DLGAP2: variants seen among roughly 807,000 people sequenced by gnomAD.
DLGAP2 encodes the protein disks large-associated protein 2.
Under a neutral mutation model 100.3 loss-of-function variants are expected in DLGAP2, and 26 were observed. That is an observed-to-expected ratio of 0.26 (90% CI 0.19 to 0.36). DLGAP2 has a LOEUF of 0.36. Ranked by LOEUF, DLGAP2 falls within the 10% of genes least tolerant of loss-of-function variation. The pLI is 1.00. For missense variants in DLGAP2, 1,858 were observed against 1,453.2 expected, an observed-to-expected ratio of 1.28 and a Z score of -4.53; for synonymous variants, 886 against 630.1, an observed-to-expected ratio of 1.41 and a Z score of -6.08.
intron 3 of DLGAP2, among the ~76,000 whole-genome samples, chr8:1,434,180 GCT>G (rs557551718): frequency 6.6e-6 from 1 of 152,106 alleles, no homozygotes; most frequent in Non-Finnish European, 1.5e-5. Context: ...CAGCTCAGCC[GCT>G]CTCTCTTTCT....
chr8:1,537,917 T>C (rs1328731657), intron 4 of DLGAP2, among the ~76,000 whole-genome samples: 1 of 152,184 alleles, frequency 6.6e-6, no homozygotes, highest in Non-Finnish European at 1.5e-5. Flanking sequence ...AAGAAAGCTC[T>C]TACAATGGGT....
At chr8:1,518,470 G>A (rs750894630) in intron 4 of DLGAP2, among the ~76,000 whole-genome samples, 3 of 152,182 alleles carry the variant, frequency 2.0e-5, no homozygotes, top group Non-Finnish European at 2.9e-5. Flanking sequence ...AAGGCACATA[G>A]AACAAAGCTG....
In DLGAP2 at chr8:1,049,751, A is replaced by C. The variant is rs543118930; in HGVS notation, c.73+141785A>C. Among the ~76,000 whole-genome samples, 8 of 135,870 alleles carry C rather than the reference A, an allele frequency of 5.9e-5. No homozygotes were observed. In the South Asian group the frequency reaches 1.7e-3, roughly 28 times the overall value. The allele number at this position is 135,870 out of a possible 152,430, so 89.1% of individuals were successfully genotyped here. The stretch of plus-strand genomic sequence containing the variant: ...GGCACAGACATACATGAACAGAGAC[A>C]CACAGACGGTGCATAGACACAGGCA... On this transcript the variant is annotated intron_variant, in intron 2 of 14. Transcript: ENST00000637795.
intron 4 of DLGAP2, among the ~76,000 whole-genome samples, chr8:1,530,759 G>A (rs996687383): frequency 2.0e-5 from 3 of 152,172 alleles, no homozygotes; most frequent in Admixed American, 6.5e-5. Flanking sequence ...CAGTCCCTCC[G>A]TCTGGGGTCC....
intron 3 of DLGAP2, among the ~76,000 whole-genome samples, chr8:1,346,596 C>G (rs1801563174): frequency 6.6e-6 from 1 of 151,474 alleles, no homozygotes; most frequent in Admixed American, 6.6e-5. Flanking sequence ...CTGCATTGCT[C>G]TCATGGTAGC....
chr8:1,483,752 G>C (rs2130256052), intron 3 of DLGAP2, among the ~76,000 whole-genome samples: 1 of 151,750 alleles, frequency 6.6e-6, no homozygotes, highest in South Asian at 2.1e-4. Context: ...TGGGGACCAG[G>C]GAGGCATGTG....
chr8:833,465 G>A (rs1223654102), intron 1 of DLGAP2, among the ~76,000 whole-genome samples: 1 of 152,186 alleles, frequency 6.6e-6, no homozygotes, highest in Admixed American at 6.5e-5. Flanking sequence ...GGTCCTGCCT[G>A]CCTTGGCTTG....
At chr8:1,107,521 G>T (rs966796662) in intron 2 of DLGAP2, among the ~76,000 whole-genome samples, 1 of 152,290 alleles carries the variant, frequency 6.6e-6, no homozygotes. Flanking sequence ...GGAGAGCCAG[G>T]GCCCCTCGCG....
chr8:784,259 A>T (rs1229438014), intron 1 of DLGAP2, among the ~76,000 whole-genome samples: 2 of 152,264 alleles, frequency 1.3e-5, no homozygotes, highest in African/African-American at 4.8e-5. Flanking sequence ...ACAATAGTTT[A>T]GTCAAGAAGA....
intron 2 of DLGAP2, among the ~76,000 whole-genome samples, chr8:1,170,059 C>T (rs949198213): frequency 1.9e-4 from 29 of 151,998 alleles, no homozygotes; most frequent in African/African-American, 7.0e-4. Flanking sequence ...TACGTCCCAT[C>T]AATACCTAAT....
chr8:1,160,028 G>A (rs1415295898), intron 2 of DLGAP2, among the ~76,000 whole-genome samples: 1 of 152,194 alleles, frequency 6.6e-6, no homozygotes, highest in Non-Finnish European at 1.5e-5. Flanking sequence ...CACGCTGTTT[G>A]TGATGACCGT....
chr8:962,980 T>A (rs1229452277), intron 2 of DLGAP2, among the ~76,000 whole-genome samples: 1 of 152,190 alleles, frequency 6.6e-6, no homozygotes, highest in Non-Finnish European at 1.5e-5. Context: ...CGGGGTCCTC[T>A]GATGGGAAAA....
chr8:1,701,583 C>A lies in DLGAP2; in HGVS notation c.*177C>A. ...GCGGCCTCAGAGTCCACGGAGCTCG[C>A]GGCGAGGACGACTTCTGCTTTTGTT... On this transcript the variant is annotated 3_prime_UTR_variant, in exon 15 of 15. Coordinates refer to ENST00000637795, the MANE Select transcript of DLGAP2 (RefSeq NM_001346810.2). 3 of 663,914 alleles carry A rather than the reference C, an allele frequency of 4.5e-6. No homozygotes were observed. Among genetic ancestry groups the A allele is most frequent in the Non-Finnish European group, 2.5e-6 (1 of 401,750 alleles). The allele number at this position is 663,914 out of a possible 1,614,324, so 41.1% of individuals were successfully genotyped here. A position where few individuals can be genotyped will look rare whatever the true frequency, so the allele number is the denominator to read the frequency against.
chr8:1,636,230 G>A (rs151246457), intron 8 of DLGAP2, among the ~76,000 whole-genome samples: 68 of 152,290 alleles, frequency 4.5e-4, no homozygotes, highest in African/African-American at 1.4e-3. Context: ...GGAAAATGGT[G>A]TAAAATTAGA....
Position 1,351,405 on chromosome 8 carries a change from T to A in DLGAP2, c.106+92522T>A, listed in dbSNP as rs377202790. Among the ~76,000 whole-genome samples the A allele has an allele frequency of 1.1e-3, 16 of 14,460 alleles. 1 individual carries two copies. The highest frequency in any genetic ancestry group is 1.9e-3 in the Non-Finnish European group (14 of 7,248). 9.5% of individuals were successfully genotyped at this position (14,460 alleles called of 152,430 possible). ...CGTGCGGGTCCTGAGTGTGTGTGGATAGGCTGTGCGGGTCCTGACTGTGTG... is the reference window on the plus strand; with the variant it reads ...CGTGCGGGTCCTGAGTGTGTGTGGAAAGGCTGTGCGGGTCCTGACTGTGTG... On this transcript the variant is annotated intron_variant, in intron 3 of 14. Transcript: ENST00000637795.
intron 3 of DLGAP2, among the ~76,000 whole-genome samples, chr8:1,351,885 G>A (rs1328160546): frequency 1.0e-5 from 1 of 98,034 alleles, no homozygotes. Context: ...ACTGTGTTTG[G>A]AAAGGCCGTG....
At chr8:1,372,992 A>T (rs1329081057) in intron 3 of DLGAP2, among the ~76,000 whole-genome samples, 1 of 152,178 alleles carries the variant, frequency 6.6e-6, no homozygotes, top group African/African-American at 2.4e-5. Context: ...CCACCTATGC[A>T]AGATGACAGT....
In DLGAP2 at chr8:1,704,663, A is replaced by C. The variant is rs983161184; in HGVS notation, c.*3257A>C. On this transcript the variant is annotated 3_prime_UTR_variant, in exon 15 of 15. Transcript: ENST00000637795. ...AAAATTACAGTTTTGTTTAAAAGGA[A>C]ATGTTGATGTTTTCAACTCCAAATC... 1 of 152,226 alleles carries C rather than the reference A, an allele frequency of 6.6e-6. No homozygotes were observed. The highest frequency in any genetic ancestry group is 1.5e-5 in the Non-Finnish European group (1 of 68,046). The allele number at this position is 152,226 out of a possible 1,614,324, so 9.4% of individuals were successfully genotyped here. A position where few individuals can be genotyped will look rare whatever the true frequency, so the allele number is the denominator to read the frequency against.
chr8:1,533,635 G>C (rs1009761769), intron 4 of DLGAP2, among the ~76,000 whole-genome samples: 1 of 152,032 alleles, frequency 6.6e-6, no homozygotes, highest in Non-Finnish European at 1.5e-5. Flanking sequence ...ATTTTAACTT[G>C]CAATGTTTAT....
Sources: gnomAD v4.1 joint callset for allele counts (sites outside exome capture counted in the v4.1 genomes callset) on GRCh38, gnomAD v4.1.1 for gene constraint, MANE v1.5 for transcripts, NCBI Gene and HGNC (gene_info 2026-07-23, HGNC 2026-07-21) for gene names.